The following MORN5 variants were observed in gnomAD, a reference collection of about 807,000 sequenced individuals.
The protein encoded by MORN5 is MORN repeat containing 5, also known as MORN repeat-containing protein 5.
A neutral mutation model predicts 22.1 loss-of-function variants in MORN5; 21 were observed. The ratio of observed to expected loss-of-function variants is 0.95; its 90% CI spans 0.67 to 1.37. The LOEUF (loss-of-function observed/expected upper bound fraction) is 1.37, where lower values mean the gene tolerates loss of function less well. Ranked by LOEUF, MORN5 falls within the 40% of genes most tolerant of loss-of-function variation. The pLI is 0.00. For missense variants in MORN5, 211 were observed against 215.1 expected (o/e 0.98, Z 0.12); for synonymous variants, 73 against 74.0 (o/e 0.99, Z 0.07).
At chr9:122,189,629 C>A (rs1393685336) in intron 4 of MORN5, among the ~76,000 whole-genome samples, 1 of 151,958 alleles carries the variant, frequency 6.6e-6, no homozygotes, top group Non-Finnish European at 1.5e-5. Context: ...TATTTTGAGA[C>A]AGAGTCTTGC....
At chr9:122,163,706 C>T (rs1325589799) in intron 1 of MORN5, among the ~76,000 whole-genome samples, 2 of 152,126 alleles carry the variant, frequency 1.3e-5, no homozygotes, top group Non-Finnish European at 1.5e-5. Context: ...TGTGCTCTGG[C>T]AAAGAAATTT....
chr9:122,181,263 C>T (rs11788440), intron 4 of MORN5, among the ~76,000 whole-genome samples: 7,916 of 152,220 alleles, frequency 0.052, 321 homozygotes, highest in African/African-American at 0.1. Context: ...TCTGTGTGAC[C>T]CTAGCAGCAT....
At chr9:122,182,436 G>T (rs1829549874) in intron 4 of MORN5, among the ~76,000 whole-genome samples, 1 of 152,218 alleles carries the variant, frequency 6.6e-6, no homozygotes, top group African/African-American at 2.4e-5. Context: ...ATCCTTGCTA[G>T]GCTCTGTGCC....
At chr9:122,163,195 C>G (rs1049279949) in intron 1 of MORN5, among the ~76,000 whole-genome samples, 1 of 152,158 alleles carries the variant, frequency 6.6e-6, no homozygotes, top group Non-Finnish European at 1.5e-5. Flanking sequence ...GAGGAAGGGA[C>G]GCCCATAGCA....
chr9:122,177,526 A>C (rs1435504972), intron 4 of MORN5, among the ~76,000 whole-genome samples: 2 of 152,134 alleles, frequency 1.3e-5, no homozygotes, highest in Non-Finnish European at 2.9e-5. Context: ...TCTGCCTCCC[A>C]GGTTCAAGTG....
intron 1 of MORN5, among the ~76,000 whole-genome samples, chr9:122,160,463 T>C (rs1224929460): frequency 6.6e-6 from 1 of 152,188 alleles, no homozygotes; most frequent in Non-Finnish European, 1.5e-5. Context: ...ATCTAGGGAT[T>C]ATTATAGAGG....
At chr9:122,161,912 C>T (rs1564413813) in intron 1 of MORN5, among the ~76,000 whole-genome samples, 1 of 152,222 alleles carries the variant, frequency 6.6e-6, no homozygotes, top group African/African-American at 2.4e-5. Context: ...TAGGGATTCC[C>T]AGACCTGAAC....
rs144429891 is a variant in MORN5, at chr9:122,192,615, T to G, written c.440-7270T>G. 5.3e-3 allele frequency among the ~76,000 whole-genome samples: 803 copies of G among 152,344 alleles called. 6 individuals are homozygous for G. The highest frequency in any genetic ancestry group is 0.016 in the African/African-American group (645 of 41,582). On this transcript the variant is annotated intron_variant, in intron 4 of 4. Coordinates refer to ENST00000373764, the MANE Select transcript of MORN5 (RefSeq NM_198469.4). Reference sequence around the variant, plus strand: ...CAGCAGACCCGGCACAGCTGTGCCCTGTACAGGTCAGCTCCTCCCTGCCTT... The same window carrying G: ...CAGCAGACCCGGCACAGCTGTGCCCGGTACAGGTCAGCTCCTCCCTGCCTT...
At chr9:122,184,085 C>A (rs1387099224) in intron 4 of MORN5, among the ~76,000 whole-genome samples, 5 of 152,162 alleles carry the variant, frequency 3.3e-5, no homozygotes, top group African/African-American at 1.2e-4. Context: ...GAGAGCTAAC[C>A]ATGACTGAGC....
At chr9:122,166,294 A>ATATATATATATATATATAT (rs200859903) in intron 1 of MORN5, among the ~76,000 whole-genome samples, 2 of 151,718 alleles carry the variant, frequency 1.3e-5, no homozygotes, top group African/African-American at 4.9e-5. Context: ...ATATATATAT[A>ATATATATATATATATATAT]ATGGTGGTAA....
At chr9:122,183,710 A>G (rs529463605) in intron 4 of MORN5, among the ~76,000 whole-genome samples, 2 of 152,322 alleles carry the variant, frequency 1.3e-5, no homozygotes, top group South Asian at 4.1e-4. Context: ...CATCTGGCAA[A>G]TGTCCTAGAG....
At chr9:122,160,666 G>C (rs974064670) in intron 1 of MORN5, among the ~76,000 whole-genome samples, 8 of 151,252 alleles carry the variant, frequency 5.3e-5, no homozygotes, top group African/African-American at 2.0e-4. Flanking sequence ...CCTGGCTGGA[G>C]TGCAGTGGCC....
At chr9:122,194,798 TC>T in intron 4 of MORN5, among the ~76,000 whole-genome samples, 1 of 152,070 alleles carries the variant, frequency 6.6e-6, no homozygotes, top group East Asian at 1.9e-4. Context: ...GGTGGGCGGA[TC>T]ACCTGAGGTC....
chr9:122,174,253 G>A (rs1438155346), intron 3 of MORN5, among the ~76,000 whole-genome samples: 1 of 152,198 alleles, frequency 6.6e-6, no homozygotes, highest in African/African-American at 2.4e-5. Context: ...GGAGGATGGG[G>A]TCAAAGGAAG....
intron 4 of MORN5, chr9:122,175,757 C>T (rs1829440910): frequency 4.2e-6 from 4 of 943,808 alleles, no homozygotes; most frequent in East Asian, 1.2e-4. Flanking sequence ...GCATCCTCTC[C>T]CTATAGGGAA....
intron 3 of MORN5, among the ~76,000 whole-genome samples, chr9:122,170,417 C>T (rs565599373): frequency 3.9e-5 from 6 of 152,036 alleles, no homozygotes; most frequent in Non-Finnish European, 5.9e-5. Context: ...TGTGGGTGCA[C>T]GGTACATGTC....
At chr9:122,169,602 C>A in intron 2 of MORN5, 43 bp from the exon 3 acceptor site, 2 of 1,445,300 alleles carry the variant, frequency 1.4e-6, no homozygotes, top group Non-Finnish European at 1.9e-6. Flanking sequence ...GGCCAAAAGC[C>A]TTCAGCTTCC....
intron 1 of MORN5, among the ~76,000 whole-genome samples, chr9:122,165,391 T>G (rs1055016467): frequency 1.7e-5 from 1 of 60,540 alleles, no homozygotes; most frequent in African/African-American, 1.0e-4. Context: ...AAACCCCGTC[T>G]CTACAAAAAA....
intron 4 of MORN5, among the ~76,000 whole-genome samples, chr9:122,180,505 C>T (rs975538474): frequency 3.9e-5 from 6 of 152,026 alleles, no homozygotes; most frequent in South Asian, 4.1e-4. Context: ...GGGCTGGTCT[C>T]GAACTCCTGA....
Sources: gnomAD v4.1 joint callset for allele counts (sites outside exome capture counted in the v4.1 genomes callset) on GRCh38, gnomAD v4.1.1 for gene constraint, MANE v1.5 for transcripts, NCBI Gene and HGNC (gene_info 2026-07-23, HGNC 2026-07-21) for gene names.